Variants in SLC35F4 observed in about 807,000 individuals in gnomAD.
SLC35F4 encodes solute carrier family 35 member F4.
SLC35F4 carries 24 observed loss-of-function variants against 44.2 expected under a neutral mutation model. The ratio of observed to expected loss-of-function variants is 0.54; its 90% CI spans 0.39 to 0.76. SLC35F4 has a LOEUF of 0.76. Among genes scored for constraint, SLC35F4 ranks in the 30% least tolerant of loss-of-function variants. The probability of loss-of-function intolerance (pLI) is 0.00; values close to 1 mark genes in which losing one functional copy is unlikely to be tolerated. For missense variants in SLC35F4, 562 were observed against 586.1 expected (o/e 0.96, Z 0.42); for synonymous variants, 238 against 223.6 (o/e 1.06, Z -0.57).
At chr14:57,766,499 C>G (rs1162499517) in intron 1 of SLC35F4, among the ~76,000 whole-genome samples, 1 of 152,166 alleles carries the variant, frequency 6.6e-6, no homozygotes, top group Non-Finnish European at 1.5e-5. Flanking sequence ...CCAAGGCAGG[C>G]TAGGCCAGAG....
intron 1 of SLC35F4, among the ~76,000 whole-genome samples, chr14:57,719,689 G>C (rs577702745): frequency 6.6e-6 from 1 of 151,076 alleles, no homozygotes; most frequent in East Asian, 2.0e-4. Context: ...TGAATTTATT[G>C]ATCAGTTCTA....
chr14:57,791,215 G>C (rs1204673710), intron 1 of SLC35F4, among the ~76,000 whole-genome samples: 1 of 151,860 alleles, frequency 6.6e-6, no homozygotes, highest in Admixed American at 6.6e-5. Context: ...GAATGGGAGA[G>C]AAATTTTGCA....
At chr14:57,841,096 A>G (rs1162143529) in intron 1 of SLC35F4, among the ~76,000 whole-genome samples, 2 of 152,134 alleles carry the variant, frequency 1.3e-5, no homozygotes, top group African/African-American at 4.8e-5. Flanking sequence ...TGCAATGGAG[A>G]ATAAGTAGAA....
At chr14:57,861,105 G>A (rs190796874) in intron 1 of SLC35F4, among the ~76,000 whole-genome samples, 52 of 152,188 alleles carry the variant, frequency 3.4e-4, no homozygotes, top group Non-Finnish European at 3.2e-4. Context: ...CAGACAACCT[G>A]AGCGCACTTC....
chr14:57,706,824 G>A (rs113167712), intron 1 of SLC35F4, among the ~76,000 whole-genome samples: 179 of 152,258 alleles, frequency 1.2e-3, no homozygotes, highest in African/African-American at 2.9e-3. Flanking sequence ...GCCAGATAAC[G>A]CAGGACTTTG....
At chr14:57,626,538 A>G (rs1183621521) in intron 1 of SLC35F4, among the ~76,000 whole-genome samples, 2 of 152,114 alleles carry the variant, frequency 1.3e-5, no homozygotes, top group Non-Finnish European at 2.9e-5. Context: ...ATATCAAAAA[A>G]ATTATGTGTA....
intron 1 of SLC35F4, among the ~76,000 whole-genome samples, chr14:57,660,611 G>T (rs1008130571): frequency 6.6e-6 from 1 of 151,768 alleles, no homozygotes. Flanking sequence ...AAATACAGCA[G>T]AAATGATGGC....
intron 1 of SLC35F4, among the ~76,000 whole-genome samples, chr14:57,762,383 T>A (rs947766630): frequency 6.6e-6 from 1 of 152,168 alleles, no homozygotes; most frequent in Non-Finnish European, 1.5e-5. Flanking sequence ...GAACCCATTC[T>A]ATGTAGTGCT....
At chr14:57,797,443 G>A (rs549571835) in intron 1 of SLC35F4, among the ~76,000 whole-genome samples, 18 of 152,148 alleles carry the variant, frequency 1.2e-4, no homozygotes, top group Non-Finnish European at 2.5e-4. Context: ...CCTCATCCCC[G>A]CTTTGCCCAT....
At chr14:57,974,451 A>G (rs1299272545), downstream of SLC35F4, among the ~76,000 whole-genome samples, 3 of 152,212 alleles carry the variant, frequency 2.0e-5, no homozygotes, top group Non-Finnish European at 4.4e-5. Flanking sequence ...CCATCTCTCA[A>G]TAGGAAGAAC....
chr14:57,927,130 G>C (rs998582452), intron 1 of SLC35F4, among the ~76,000 whole-genome samples: 1 of 152,178 alleles, frequency 6.6e-6, no homozygotes, highest in African/African-American at 2.4e-5. Context: ...TGAAGGTTTG[G>C]CTGGGTCAGC....
chr14:57,576,923 G>A (rs900016804), intron 4 of SLC35F4, among the ~76,000 whole-genome samples: 1 of 152,158 alleles, frequency 6.6e-6, no homozygotes, highest in Admixed American at 6.5e-5. Flanking sequence ...CCTTGAGGGT[G>A]TAAAATCGGA....
chr14:57,712,611 G>A (rs1052915804), intron 1 of SLC35F4, among the ~76,000 whole-genome samples: 2 of 152,078 alleles, frequency 1.3e-5, no homozygotes, highest in African/African-American at 4.8e-5. Context: ...CTAACCCTGG[G>A]GGGAATTTAT....
chr14:57,814,200 T>C (rs755604106), intron 1 of SLC35F4, among the ~76,000 whole-genome samples: 3 of 152,240 alleles, frequency 2.0e-5, no homozygotes, highest in Non-Finnish European at 2.9e-5. Context: ...CAGAGCCCTT[T>C]TCACATAGTA....
At chr14:57,863,026 T>TAA (rs58740607) in intron 1 of SLC35F4, among the ~76,000 whole-genome samples, 20 of 151,854 alleles carry the variant, frequency 1.3e-4, no homozygotes, top group African/African-American at 4.8e-4. Context: ...TCATCTTTTT[T>TAA]AAAAAAAATG....
chr14:57,717,767 A>G (rs1411754502), intron 1 of SLC35F4, among the ~76,000 whole-genome samples: 1 of 152,234 alleles, frequency 6.6e-6, no homozygotes, highest in African/African-American at 2.4e-5. Context: ...GGAGTACACG[A>G]GATATTTTGC....
chr14:57,571,755 A>G, intron 5 of SLC35F4, 139 bp downstream of exon 5: 1 of 1,244,356 alleles, frequency 8.0e-7, no homozygotes, highest in Non-Finnish European at 1.1e-6. Flanking sequence ...CCATCACATA[A>G]CAAGTAGTTA....
At chr14:57,957,949 T>G (rs1009407402) in intron 1 of SLC35F4, among the ~76,000 whole-genome samples, 35 of 152,316 alleles carry the variant, frequency 2.3e-4, no homozygotes, top group African/African-American at 7.9e-4. Context: ...ACGAATTCAG[T>G]GTTTGCTGTG....
intron 1 of SLC35F4, among the ~76,000 whole-genome samples, chr14:57,924,200 T>C (rs1431254785): frequency 6.6e-6 from 1 of 152,196 alleles, no homozygotes; most frequent in Non-Finnish European, 1.5e-5. Context: ...AGGTATGTCT[T>C]CATCAGCAGT....
Sources: allele counts gnomAD v4.1 joint callset (sites outside exome capture counted in the v4.1 genomes callset), GRCh38; gene constraint gnomAD v4.1.1; transcripts MANE v1.5; gene names NCBI Gene and HGNC (gene_info 2026-07-23, HGNC 2026-07-21).